The following SPATA18 variants were observed in gnomAD, a reference collection of about 807,000 sequenced individuals.
SPATA18 encodes spermatogenesis associated 18, also known as mitochondria-eating protein.
In SPATA18, 54 loss-of-function variants were observed where a neutral mutation model predicts 68.1. The ratio of observed to expected loss-of-function variants is 0.79; its 90% CI spans 0.64 to 0.99. The LOEUF (loss-of-function observed/expected upper bound fraction) is 0.99, where lower values mean the gene tolerates loss of function less well. SPATA18 is among the 50% of genes least tolerant of loss of function. The pLI, the probability that SPATA18 is intolerant of heterozygous loss-of-function variation, is 0.00. For synonymous variants in SPATA18, 242 were observed against 244.8 expected (o/e 0.99, Z 0.11); for missense variants, 724 against 681.1 (o/e 1.06, Z -0.70).
rs527731251 is a variant in SPATA18, at chr4:52,054,513, G to C, written c.87+2722G>C. On this transcript the variant is annotated intron_variant, in intron 1 of 12. Coordinates refer to ENST00000295213, the MANE Select transcript of SPATA18 (RefSeq NM_145263.4). The stretch of plus-strand genomic sequence containing the variant: ...TACATATTCAACAGGTAATATTCAC[G>C]AAGGGGGAACGCTCACAAGCATAGT... Among the ~76,000 whole-genome samples the C allele has an allele frequency of 6.6e-5, 10 of 152,270 alleles. No homozygotes were observed. In the South Asian group the frequency reaches 1.5e-3, roughly 22 times the overall value.
intron 12 of SPATA18, 66 bp downstream of exon 12, chr4:52,094,638 C>G: frequency 6.7e-7 from 1 of 1,488,662 alleles, no homozygotes; most frequent in Non-Finnish European, 9.4e-7. Context: ...GTACTTAGCA[C>G]TGAGCAGCAA....
At chr4:52,059,768 C>G (rs1262150692) in intron 1 of SPATA18, among the ~76,000 whole-genome samples, 1 of 152,220 alleles carries the variant, frequency 6.6e-6, no homozygotes, top group Non-Finnish European at 1.5e-5. Flanking sequence ...CCAGCAATAC[C>G]TTCTTGCTGT....
At chr4:52,089,428 A>C (rs1404179276) in intron 11 of SPATA18, among the ~76,000 whole-genome samples, 1 of 152,234 alleles carries the variant, frequency 6.6e-6, no homozygotes, top group Non-Finnish European at 1.5e-5. Context: ...ATTTAATGCT[A>C]TAAATTTATC....
intron 7 of SPATA18, among the ~76,000 whole-genome samples, 187 bp downstream of exon 7, chr4:52,077,227 C>T (rs1740460104): frequency 6.7e-6 from 1 of 148,944 alleles, no homozygotes; most frequent in Admixed American, 6.7e-5. Context: ...TTTCCTATTT[C>T]CTTCCTTCCT....
chr4:52,052,067 A>G (rs1737931537), intron 1 of SPATA18, among the ~76,000 whole-genome samples: 1 of 152,152 alleles, frequency 6.6e-6, no homozygotes, highest in Admixed American at 6.5e-5. Context: ...AATCAGTGGT[A>G]ACTAAGGACG....
chr4:52,067,142 T>C (rs1324050038), intron 4 of SPATA18, among the ~76,000 whole-genome samples: 2 of 152,164 alleles, frequency 1.3e-5, no homozygotes, highest in Non-Finnish European at 1.5e-5. Flanking sequence ...TCCTATTTCT[T>C]TGCAGCCTCG....
chr4:52,059,219 A>G (rs1218328845), intron 1 of SPATA18, among the ~76,000 whole-genome samples: 2 of 152,164 alleles, frequency 1.3e-5, no homozygotes, highest in Admixed American at 6.5e-5. Flanking sequence ...GATTATCTCA[A>G]CTTTTCTCTT....
At chr4:52,092,015 C>A (rs916827209) in intron 11 of SPATA18, among the ~76,000 whole-genome samples, 1 of 152,134 alleles carries the variant, frequency 6.6e-6, no homozygotes. Context: ...GCTGTAAAAC[C>A]GCCTACTCAA....
At chr4:52,073,824 C>A (rs2109466538) in intron 6 of SPATA18, among the ~76,000 whole-genome samples, 1 of 152,282 alleles carries the variant, frequency 6.6e-6, no homozygotes, top group African/African-American at 2.4e-5. Flanking sequence ...TTGAAAATTT[C>A]TTGGACATGA....
At position 52,083,159 on chromosome 4, in the gene SPATA18, G is replaced by A; in HGVS notation, c.1479+649G>A. 4.1e-6 allele frequency: 4 copies of A among 985,376 alleles called. No individual in the cohort carries two copies. In the South Asian group the frequency reaches 1.9e-4, roughly 46 times the overall value. The allele number at this position is 985,376 out of a possible 1,614,324, so 61.0% of individuals were successfully genotyped here. A position where few individuals can be genotyped will look rare whatever the true frequency, so the allele number is the denominator to read the frequency against. ...TGTGTACGTGTTGTACTGGGGATTG[G>A]GTGATGGAACTGGTAGTGCTTGGAT... On this transcript the variant is annotated intron_variant, in intron 10 of 12. Transcript: ENST00000295213.
intron 2 of SPATA18, 124 bp downstream of exon 2, chr4:52,060,648 G>T: frequency 2.7e-6 from 3 of 1,130,426 alleles, no homozygotes; most frequent in Non-Finnish European, 3.9e-6. Context: ...GACCTGATGT[G>T]TGTATTCTCT....
rs562771098 is a variant in SPATA18 at position 52,078,611 on chromosome 4, C to A, written c.1021-124C>A. ...CTTCCAGACTAAAAATGTTTTTGAT[C>A]AACTGTGTTTAGTTATCAGAAGACC... is the stretch of plus-strand genomic sequence containing the variant. On this transcript the variant is annotated intron_variant, in intron 7 of 12. Transcript: ENST00000295213. The A allele has an allele frequency of 2.0e-5, 16 of 806,120 alleles. No homozygotes were observed. The African/African-American group carries it at 2.1e-4, about 10-fold the overall frequency. 49.9% of individuals were successfully genotyped at this position (806,120 alleles called of 1,614,324 possible). A position where few individuals can be genotyped will look rare whatever the true frequency, so the allele number is the denominator to read the frequency against.
chr4:52,060,525 G>T lies in SPATA18; in HGVS notation c.193+1G>T, dbSNP rs769882469. The T allele has an allele frequency of 1.2e-6, 2 of 1,613,340 alleles. No individual in the cohort carries two copies. The highest frequency in any genetic ancestry group is 1.7e-5 in the Admixed American group (1 of 59,942). On this transcript the variant is annotated splice_donor_variant, in intron 2 of 12. Coordinates refer to ENST00000295213, the MANE Select transcript of SPATA18 (RefSeq NM_145263.4). LOFTEE classifies it high-confidence loss of function. Reference sequence around the variant, plus strand: ...ATCCTCACAGCAGCAGCCCAAGAAGGTGAGAATGGCCTGTAATTTCCCATC... The same window carrying T: ...ATCCTCACAGCAGCAGCCCAAGAAGTTGAGAATGGCCTGTAATTTCCCATC...
intron 11 of SPATA18, among the ~76,000 whole-genome samples, chr4:52,091,185 G>A (rs958718260): frequency 6.6e-6 from 1 of 151,814 alleles, no homozygotes; most frequent in African/African-American, 2.4e-5. Context: ...TTAGCAATTC[G>A]ACTAACCTTT....
intron 1 of SPATA18, among the ~76,000 whole-genome samples, chr4:52,056,437 G>T (rs1738347696): frequency 6.6e-6 from 1 of 152,172 alleles, no homozygotes; most frequent in African/African-American, 2.4e-5. Flanking sequence ...TTGTTCTGAG[G>T]ATTAAATGGA....
intron 1 of SPATA18, among the ~76,000 whole-genome samples, chr4:52,055,776 C>G (rs1306333129): frequency 1.3e-5 from 2 of 152,184 alleles, no homozygotes; most frequent in Non-Finnish European, 2.9e-5. Flanking sequence ...GTGGCCCTTA[C>G]CAGCTTCTCT....
intron 5 of SPATA18, among the ~76,000 whole-genome samples, chr4:52,070,699 A>G (rs116506101): frequency 0.034 from 5,184 of 152,302 alleles, 306 homozygotes; most frequent in African/African-American, 0.12. Flanking sequence ...ATAAAATAAA[A>G]AAAGAGTGAA....
chr4:52,056,704 C>A (rs1040329346), intron 1 of SPATA18, among the ~76,000 whole-genome samples: 1 of 152,014 alleles, frequency 6.6e-6, no homozygotes, highest in Non-Finnish European at 1.5e-5. Context: ...TTTGGGAGAC[C>A]CTTAGTATGT....
At position 52,069,535 on chromosome 4, in the gene SPATA18, A is replaced by T. The variant is rs567354731; in HGVS notation, c.423-286A>T. The stretch of plus-strand genomic sequence containing the variant: ...TAGGCAGGTGAGAAGGAGAAATTGA[A>T]CAAGTTTCTTTGTCCTTTATATTCT... On this transcript the variant is annotated intron_variant, in intron 4 of 12. Transcript: ENST00000295213. Among the ~76,000 whole-genome samples, 6 of 152,306 alleles carry T rather than the reference A, an allele frequency of 3.9e-5. No individual in the cohort carries two copies. The East Asian group carries it at 1.2e-3, about 29-fold the overall frequency.
Sources: allele counts gnomAD v4.1 joint callset (sites outside exome capture counted in the v4.1 genomes callset), GRCh38; gene constraint gnomAD v4.1.1; transcripts MANE v1.5; gene names NCBI Gene and HGNC (gene_info 2026-07-23, HGNC 2026-07-21).